TNKS2: variants seen among roughly 807,000 people sequenced by gnomAD.
TNKS2 encodes the protein poly [ADP-ribose] polymerase tankyrase-2.
Under a neutral mutation model 137.6 loss-of-function variants are expected in TNKS2, and 72 were observed. That is an observed-to-expected ratio of 0.52 (90% CI 0.43 to 0.64). The LOEUF is 0.64. Ranked by LOEUF, TNKS2 falls within the 30% of genes least tolerant of loss-of-function variation. TNKS2 has a pLI of 0.00. For synonymous variants in TNKS2, 516 were observed against 512.1 expected (o/e 1.01, Z -0.10); for missense variants, 1,049 against 1,410.2 (o/e 0.74, Z 4.10).
chr10:91,800,189 G>A (rs972671687), intron 1 of TNKS2, among the ~76,000 whole-genome samples: 5 of 152,180 alleles, frequency 3.3e-5, no homozygotes, highest in Non-Finnish European at 7.4e-5. Context: ...AGAGAAGGAA[G>A]AATACTTAAG....
intron 6 of TNKS2, 81 bp downstream of exon 6, chr10:91,820,114 AT>A: frequency 1.1e-6 from 1 of 920,926 alleles, no homozygotes; most frequent in Non-Finnish European, 1.6e-6. Context: ...GAAAAATAAT[AT>A]TTTTTACTAA....
Position 91,864,487 on chromosome 10 carries a change from A to C in TNKS2, c.*1488A>C, listed in dbSNP as rs1842930720. 6.6e-6 allele frequency: 1 copy of C among 152,430 alleles called. No individual in the cohort carries two copies. The highest frequency in any genetic ancestry group is 2.1e-4 in the South Asian group (1 of 4,826). 9.4% of individuals were successfully genotyped at this position (152,430 alleles called of 1,614,324 possible). On this transcript the variant is annotated 3_prime_UTR_variant, in exon 27 of 27. Coordinates refer to ENST00000371627, the MANE Select transcript of TNKS2 (RefSeq NM_025235.4). The stretch of plus-strand genomic sequence containing the variant: ...GAGGACATTCCCCATCACTGTCTGT[A>C]CCAGTTCACCTTTATTTTACGTTTT...
intron 1 of TNKS2, among the ~76,000 whole-genome samples, chr10:91,810,741 C>T (rs1235261559): frequency 6.6e-6 from 1 of 151,098 alleles, no homozygotes; most frequent in Non-Finnish European, 1.5e-5. Context: ...ATCTCCTGAC[C>T]TCGTGATCCA....
At chr10:91,844,672 A>G (rs1273126852) in intron 16 of TNKS2, among the ~76,000 whole-genome samples, 2 of 152,220 alleles carry the variant, frequency 1.3e-5, no homozygotes, top group African/African-American at 4.8e-5. Flanking sequence ...TGATAACACA[A>G]AAAGCTTCCA....
At chr10:91,839,236 C>T (rs1842133289) in intron 13 of TNKS2, among the ~76,000 whole-genome samples, 1 of 152,166 alleles carries the variant, frequency 6.6e-6, no homozygotes, top group African/African-American at 2.4e-5. Flanking sequence ...CTTCCCCAAA[C>T]TTTCATACTT....
intron 12 of TNKS2, among the ~76,000 whole-genome samples, chr10:91,834,824 C>T (rs1463752190): frequency 6.6e-6 from 1 of 152,208 alleles, no homozygotes; most frequent in Non-Finnish European, 1.5e-5. Flanking sequence ...GGGATAATAA[C>T]ACTGGTCCTA....
chr10:91,833,862 C>G lies in TNKS2; in HGVS notation c.1285C>G (p.Leu429Val). ...VVKHEAKVNALDNLGQTSLHR... is the reference protein window; with the variant it reads ...VVKHEAKVNAVDNLGQTSLHR... ...TTTCTGCTTTGTTAAGGTTAATGCT[C>G]TGGATAATCTTGGTCAGACTTCTCT... is the stretch of plus-strand genomic sequence containing the variant. The change falls in exon 12 of 27, where the codon CTG (leucine) becomes GTG (valine). Residue 429 changes from leucine (L) to valine (V), a missense_variant. By Grantham distance (32) the Leu-to-Val change is conservative. Around this residue, in one of 6 missense-constraint regions of TNKS2, gnomAD observed 328 missense variants for 436.0 expected, o/e 0.75. Coordinates refer to ENST00000371627, the MANE Select transcript of TNKS2 (RefSeq NM_025235.4). 6.3e-7 allele frequency: 1 copy of G among 1,589,754 alleles called. No individual in the cohort carries two copies. The highest frequency in any genetic ancestry group is 8.5e-7 in the Non-Finnish European group (1 of 1,172,034).
At chr10:91,860,803 T>G (rs1842832565) in intron 25 of TNKS2, among the ~76,000 whole-genome samples, 1 of 152,180 alleles carries the variant, frequency 6.6e-6, no homozygotes, top group Non-Finnish European at 1.5e-5. Flanking sequence ...CAGTAGGCCC[T>G]CCTATGTATG....
chr10:91,859,591 T>C lies in TNKS2; in HGVS notation c.3224T>C (p.Ile1075Thr). 1 of 1,613,974 alleles carries C rather than the reference T, an allele frequency of 6.2e-7. No homozygotes were observed. The highest frequency in any genetic ancestry group is 8.5e-7 in the Non-Finnish European group (1 of 1,179,930). ...SSKSNQYVYG[I>T]GGGTGCPVHK... ...AAAAGCAATCAATATGTATATGGAATTGGAGGAGGTACTGGGTGTCCAGTT... is the reference window on the plus strand; with the variant it reads ...AAAAGCAATCAATATGTATATGGAACTGGAGGAGGTACTGGGTGTCCAGTT... The change falls in exon 25 of 27, where the codon ATT becomes ACT. Residue 1075 changes from isoleucine (I) to threonine (T), a missense_variant. By Grantham distance (89) the Ile-to-Thr change is moderately conservative. Coordinates refer to ENST00000371627, the MANE Select transcript of TNKS2 (RefSeq NM_025235.4).
rs763898957 is a variant in TNKS2 at position 91,827,018 on chromosome 10, A to T, written c.797A>T (p.His266Leu). The T allele has an allele frequency of 1.3e-6, 2 of 1,561,974 alleles. No individual in the cohort carries two copies. The highest frequency in any genetic ancestry group is 1.7e-6 in the Non-Finnish European group (2 of 1,154,162). The change falls in exon 8 of 27, where the codon CAT (histidine) becomes CTT (leucine). Residue 266 changes from histidine to leucine, a missense_variant and splice_region_variant. Transcript: ENST00000371627. ...AAATATATGCTTTTTGCTCTCCAGC[A>T]TGGTGCCTGTGTAAATGCAATGGAC... ...HYEVTELLVKHGACVNAMDLW... is the reference protein window; with the variant it reads ...HYEVTELLVKLGACVNAMDLW...
intron 7 of TNKS2, among the ~76,000 whole-genome samples, chr10:91,824,619 T>A (rs971827750): frequency 1.3e-5 from 2 of 152,220 alleles, no homozygotes; most frequent in African/African-American, 4.8e-5. Flanking sequence ...TCTATCTTTA[T>A]CTTTATTGTG....
At position 91,848,906 on chromosome 10, in the gene TNKS2, G is replaced by A. The variant is rs113438108; in HGVS notation, c.2611+271G>A. On this transcript the variant is annotated intron_variant, in intron 19 of 26. Transcript: ENST00000371627. ...GACTGGAGTGCAGTGGCGCGATCTC[G>A]GCTCACTGCAACCTCTGCCTCAAGG... Among the ~76,000 whole-genome samples, 300 of 152,086 alleles carry A rather than the reference G, an allele frequency of 2.0e-3. 1 individual carries two copies. Among genetic ancestry groups the A allele is most frequent in the African/African-American group, 6.7e-3 (280 of 41,514 alleles).
intron 16 of TNKS2, 48 bp downstream of exon 16, chr10:91,842,439 C>A: frequency 6.5e-7 from 1 of 1,534,904 alleles, no homozygotes; most frequent in Non-Finnish European, 9.0e-7. Context: ...ATCTGAGATT[C>A]ATTTTACCCA....
In TNKS2 at chr10:91,798,567, A is replaced by T. The variant is rs909454970; in HGVS notation, c.-124A>T. ...GGACTGCGCCGGATCCGGTGACAGC[A>T]GGGAGCCAAGCGGCCCGGGCCCTGA... On this transcript the variant is annotated 5_prime_UTR_variant, in exon 1 of 27. Transcript: ENST00000371627. 4 of 1,100,418 alleles carry T rather than the reference A, an allele frequency of 3.6e-6. No individual in the cohort carries two copies. In the African/African-American group the frequency reaches 6.6e-5, roughly 18 times the overall value. 68.2% of individuals were successfully genotyped at this position (1,100,418 alleles called of 1,614,324 possible).
chr10:91,855,496 A>T (rs1050259038), intron 22 of TNKS2, 118 bp from the exon 23 acceptor site: 19 of 868,444 alleles, frequency 2.2e-5, no homozygotes, highest in Non-Finnish European at 3.0e-5. Context: ...TAACAAAAAT[A>T]TTAAAACCTG....
Position 91,798,537 on chromosome 10 carries a change from C to T in TNKS2, c.-154C>T, listed in dbSNP as rs1373034315. On this transcript the variant is annotated 5_prime_UTR_variant, in exon 1 of 27. Transcript: ENST00000371627. ...CAGCGAGGGGCGCGCGTGGGCGCGG[C>T]CATGGGACTGCGCCGGATCCGGTGA... 4 of 902,858 alleles carry T rather than the reference C, an allele frequency of 4.4e-6. No individual in the cohort carries two copies. Among genetic ancestry groups the T allele is most frequent in the Non-Finnish European group, 5.7e-6 (4 of 700,522 alleles). 55.9% of individuals were successfully genotyped at this position (902,858 alleles called of 1,614,324 possible). A position where few individuals can be genotyped will look rare whatever the true frequency, so the allele number is the denominator to read the frequency against.
chr10:91,862,392 CCTT>C (rs1450774747), intron 26 of TNKS2, among the ~76,000 whole-genome samples: 1 of 152,130 alleles, frequency 6.6e-6, no homozygotes, highest in Non-Finnish European at 1.5e-5. Context: ...ACCATTCTCT[CCTT>C]CTTTCCTTGT....
In TNKS2 at chr10:91,828,315, CTGCACGAGAAGCTGA is replaced by C; in HGVS notation, c.1016_1030del (p.Ala339_Asp343del). 1 of 1,603,712 alleles carries C rather than the reference CTGCACGAGAAGCTGA, an allele frequency of 6.2e-7. No individual in the cohort carries two copies. Among genetic ancestry groups the C allele is most frequent in the Non-Finnish European group, 8.5e-7 (1 of 1,175,934 alleles). On this transcript the variant is annotated inframe_deletion, in exon 9 of 27. Coordinates refer to ENST00000371627, the MANE Select transcript of TNKS2 (RefSeq NM_025235.4). ...TTTAAAGGCCACTCGTTGCTGCAAG[CTGCACGAGAAGCTGA>C]TGTTACTCGAATCAAAAAACATCTC... is the stretch of plus-strand genomic sequence containing the variant.
chr10:91,855,724 G>A (rs2133679618), intron 23 of TNKS2, 36 bp downstream of exon 23: 1 of 1,515,562 alleles, frequency 6.6e-7, no homozygotes, highest in Admixed American at 1.7e-5. Context: ...TTCTGAGACT[G>A]TCGTTTTCAA....
Sources: gnomAD v4.1 joint callset for allele counts (sites outside exome capture counted in the v4.1 genomes callset) on GRCh38, gnomAD v4.1.1 for gene constraint, gnomAD v4.1.1 regional missense constraint, MANE v1.5 for transcripts, NCBI Gene and HGNC (gene_info 2026-07-23, HGNC 2026-07-21) for gene names.